Variants in CNKSR3 observed in about 807,000 individuals in gnomAD.
CNKSR3 encodes the protein connector enhancer of kinase suppressor of ras 3.
In CNKSR3, 36 loss-of-function variants were observed where a neutral mutation model predicts 67.7. That is an observed-to-expected ratio of 0.53 (90% CI 0.41 to 0.70). The LOEUF (loss-of-function observed/expected upper bound fraction) is 0.70, where lower values mean the gene tolerates loss of function less well. Among genes scored for constraint, CNKSR3 ranks in the 30% least tolerant of loss-of-function variants. CNKSR3 has a pLI of 0.00. For missense variants in CNKSR3, 630 were observed against 695.2 expected (o/e 0.91, Z 1.05); for synonymous variants, 281 against 271.4 (o/e 1.04, Z -0.35).
chr6:154,423,960 C>T (rs1305774250), intron 7 of CNKSR3, among the ~76,000 whole-genome samples: 7 of 152,072 alleles, frequency 4.6e-5, no homozygotes, highest in Non-Finnish European at 7.3e-5. Flanking sequence ...AGGCCGGGCG[C>T]GGTGCCTCAT....
chr6:154,460,178 T>C (rs188070365), intron 1 of CNKSR3, among the ~76,000 whole-genome samples: 173 of 152,336 alleles, frequency 1.1e-3, no homozygotes, highest in African/African-American at 3.9e-3. Context: ...AAGTTTATGC[T>C]GATCTAAATC....
chr6:154,505,496 ATT>A (rs779033286), intron 1 of CNKSR3, among the ~76,000 whole-genome samples: 13,159 of 137,988 alleles, frequency 0.095, 653 homozygotes, highest in African/African-American at 0.13. Flanking sequence ...TATTATTATT[ATT>A]TTTTTTTTTT....
intron 2 of CNKSR3, among the ~76,000 whole-genome samples, chr6:154,443,567 T>C (rs1256121303): frequency 6.6e-6 from 1 of 152,180 alleles, no homozygotes; most frequent in Admixed American, 6.5e-5. Context: ...AGCAGGGCTC[T>C]GTGAGTATGC....
intron 1 of CNKSR3, among the ~76,000 whole-genome samples, chr6:154,491,139 G>A (rs930870476): frequency 2.0e-5 from 3 of 152,140 alleles, no homozygotes; most frequent in African/African-American, 7.2e-5. Context: ...GAGCCACCGC[G>A]CCCGGCCCAG....
At chr6:154,485,492 CCTT>C (rs1479811307) in intron 1 of CNKSR3, among the ~76,000 whole-genome samples, 1 of 152,206 alleles carries the variant, frequency 6.6e-6, no homozygotes, top group Non-Finnish European at 1.5e-5. Context: ...CAAAAAGTCT[CCTT>C]CATCTATAAA....
chr6:154,470,896 C>A (rs1199694246), intron 1 of CNKSR3, among the ~76,000 whole-genome samples: 3 of 152,170 alleles, frequency 2.0e-5, no homozygotes, highest in Non-Finnish European at 1.5e-5. Flanking sequence ...TACATTCCTG[C>A]CAGCAATTTA....
At chr6:154,446,184 C>T (rs75579979) in intron 2 of CNKSR3, among the ~76,000 whole-genome samples, 4,873 of 152,220 alleles carry the variant, frequency 0.032, 123 homozygotes, top group Non-Finnish European at 0.048. Flanking sequence ...CATCCGGGAT[C>T]CTTTCCTGAT....
chr6:154,499,386 T>G (rs1201623195), intron 1 of CNKSR3, among the ~76,000 whole-genome samples: 5 of 152,024 alleles, frequency 3.3e-5, no homozygotes, highest in Non-Finnish European at 7.4e-5. Context: ...CCCTGAGGAG[T>G]CTGTTAGCTT....
intron 6 of CNKSR3, among the ~76,000 whole-genome samples, chr6:154,429,326 G>A (rs1785317495): frequency 1.3e-5 from 2 of 152,050 alleles, no homozygotes; most frequent in Admixed American, 6.6e-5. Flanking sequence ...AAACACCAGC[G>A]CCTTCAGGTT....
intron 1 of CNKSR3, among the ~76,000 whole-genome samples, chr6:154,494,625 T>C (rs1208953532): frequency 5.9e-5 from 9 of 152,194 alleles, no homozygotes; most frequent in Admixed American, 3.9e-4. Context: ...AGAGAAGGCA[T>C]AGAAGAAATC....
intron 1 of CNKSR3, among the ~76,000 whole-genome samples, chr6:154,492,612 G>A (rs1202000342): frequency 2.0e-5 from 3 of 152,004 alleles, no homozygotes; most frequent in Non-Finnish European, 2.9e-5. Context: ...CTGGCGTGAT[G>A]ATGCATACCT....
At chr6:154,499,493 A>T (rs569626899) in intron 1 of CNKSR3, among the ~76,000 whole-genome samples, 2 of 152,344 alleles carry the variant, frequency 1.3e-5, no homozygotes, top group South Asian at 4.1e-4. Context: ...GTGTTGAAGA[A>T]GTGAGTTCAA....
intron 1 of CNKSR3, among the ~76,000 whole-genome samples, chr6:154,482,992 T>G (rs1043960079): frequency 1.3e-5 from 2 of 152,198 alleles, no homozygotes; most frequent in Admixed American, 1.3e-4. Flanking sequence ...TTCCTAGCAT[T>G]CATTATCTGT....
intron 1 of CNKSR3, among the ~76,000 whole-genome samples, chr6:154,501,873 G>A (rs756750436): frequency 3.9e-5 from 6 of 152,054 alleles, no homozygotes; most frequent in Non-Finnish European, 7.4e-5. Flanking sequence ...CTAAGAACAG[G>A]GGGAAAGCGT....
At chr6:154,474,271 G>A (rs928372254) in intron 1 of CNKSR3, among the ~76,000 whole-genome samples, 9 of 151,726 alleles carry the variant, frequency 5.9e-5, no homozygotes, top group African/African-American at 2.2e-4. Flanking sequence ...AAATTAGCTA[G>A]GCATGGTGGC....
intron 2 of CNKSR3, among the ~76,000 whole-genome samples, chr6:154,443,642 G>T (rs1358604850): frequency 6.6e-6 from 1 of 152,024 alleles, no homozygotes; most frequent in Non-Finnish European, 1.5e-5. Context: ...TTTCCACCAG[G>T]CGAGACACTC....
chr6:154,495,355 A>AC (rs1368069761), intron 1 of CNKSR3, among the ~76,000 whole-genome samples: 1 of 131,300 alleles, frequency 7.6e-6, no homozygotes, highest in Non-Finnish European at 1.6e-5. Context: ...AGAATTCAAC[A>AC]CTTTTTTTTT....
chr6:154,460,640 A>G (rs1015332776), intron 1 of CNKSR3, among the ~76,000 whole-genome samples: 4 of 152,178 alleles, frequency 2.6e-5, no homozygotes, highest in Admixed American at 1.3e-4. Flanking sequence ...TATGAAACAG[A>G]AGAAAGGAAT....
intron 1 of CNKSR3, among the ~76,000 whole-genome samples, chr6:154,505,013 G>C (rs1454648446): frequency 6.6e-6 from 1 of 151,608 alleles, no homozygotes; most frequent in African/African-American, 2.4e-5. Flanking sequence ...GTGGAATGAA[G>C]AGCTTTTCTG....
Sources: gnomAD v4.1 joint callset for allele counts (sites outside exome capture counted in the v4.1 genomes callset) on GRCh38, gnomAD v4.1.1 for gene constraint, MANE v1.5 for transcripts, NCBI Gene and HGNC (gene_info 2026-07-23, HGNC 2026-07-21) for gene names.